The following MRPS6 variants were observed in gnomAD, a reference collection of about 807,000 sequenced individuals.
The protein encoded by MRPS6 is small ribosomal subunit protein bS6m.
A neutral mutation model predicts 13.1 loss-of-function variants in MRPS6; 6 were observed. The observed-to-expected ratio is 0.46, with a 90% confidence interval of 0.25 to 0.91. MRPS6 has a LOEUF of 0.91. Ranked by LOEUF, MRPS6 falls within the 40% of genes least tolerant of loss-of-function variation. The pLI, the probability that MRPS6 is intolerant of heterozygous loss-of-function variation, is 0.18. For synonymous variants in MRPS6, 61 were observed against 56.5 expected (o/e 1.08, Z -0.36); for missense variants, 164 against 155.6 (o/e 1.05, Z -0.29).
chr21:34,106,454 A>G (rs1405175980), intron 1 of MRPS6, among the ~76,000 whole-genome samples: 1 of 152,234 alleles, frequency 6.6e-6, no homozygotes, highest in African/African-American at 2.4e-5. Context: ...GACTGAGAAT[A>G]GGATTATGTG....
intron 1 of MRPS6, among the ~76,000 whole-genome samples, chr21:34,093,301 TAGAA>T (rs908150788): frequency 8.6e-5 from 13 of 151,930 alleles, no homozygotes; most frequent in African/African-American, 2.7e-4. Flanking sequence ...CGTTGACACT[TAGAA>T]AGGATTTAAA....
At chr21:34,077,568 C>T (rs1353540291) in intron 1 of MRPS6, among the ~76,000 whole-genome samples, 1 of 152,014 alleles carries the variant, frequency 6.6e-6, no homozygotes, top group Non-Finnish European at 1.5e-5. Flanking sequence ...AATAAGATAG[C>T]ATTTATATAT....
Position 34,099,239 on chromosome 21 carries a change from T to C in MRPS6, c.45+25494T>C, listed in dbSNP as rs943417091. ...TGAGGTTTATAATTTGGGGGCCAAA[T>C]AGATAGAGCTCATCATTTTCTTGTT... On this transcript the variant is annotated intron_variant, in intron 1 of 2. Transcript: ENST00000399312. The C allele has an allele frequency of 1.1e-5, 11 of 1,000,172 alleles. No individual in the cohort carries two copies. The African/African-American group carries it at 1.7e-4, about 16-fold the overall frequency. The allele number at this position is 1,000,172 out of a possible 1,614,324, so 62.0% of individuals were successfully genotyped here.
intron 1 of MRPS6, chr21:34,100,448 T>G (rs1602935557): frequency 1.0e-6 from 1 of 1,000,230 alleles, no homozygotes; most frequent in Non-Finnish European, 1.2e-6. Context: ...GTCTTTAGAT[T>G]AGAGAAGCAT....
At chr21:34,095,545 G>T in intron 1 of MRPS6, 2 of 1,613,730 alleles carry the variant, frequency 1.2e-6, no homozygotes, top group Non-Finnish European at 1.7e-6. Flanking sequence ...TTGTCCAAGC[G>T]ATTTGGTGGC....
intron 2 of MRPS6, chr21:34,135,760 A>G (rs908930221): frequency 1.3e-5 from 6 of 473,188 alleles, no homozygotes; most frequent in African/African-American, 1.0e-4. Flanking sequence ...GATGAAATGG[A>G]AGGCATACTT....
At chr21:34,105,708 T>C (rs1460214619) in intron 1 of MRPS6, 2 of 998,406 alleles carry the variant, frequency 2.0e-6, no homozygotes, top group Non-Finnish European at 2.4e-6. Context: ...TTTTGAATTG[T>C]AAATGGATTT....
chr21:34,135,483 A>G, intron 2 of MRPS6: 1 of 501,126 alleles, frequency 2.0e-6, no homozygotes. Flanking sequence ...TCTTGATGGC[A>G]AAGGAGTTGG....
intron 1 of MRPS6, chr21:34,098,259 C>G: frequency 1.0e-6 from 1 of 999,836 alleles, no homozygotes; most frequent in Non-Finnish European, 1.2e-6. Context: ...TAGCTTTATT[C>G]TTGTTATTTG....
intron 1 of MRPS6, among the ~76,000 whole-genome samples, chr21:34,119,936 T>C (rs891439448): frequency 6.6e-6 from 1 of 152,204 alleles, no homozygotes; most frequent in East Asian, 1.9e-4. Context: ...CTCTCATCTT[T>C]TACTACAGCA....
chr21:34,102,150 C>T (rs916256344), intron 1 of MRPS6: 7 of 999,914 alleles, frequency 7.0e-6, no homozygotes, highest in Non-Finnish European at 8.4e-6. Context: ...GTCAGACTGT[C>T]CTTTGTTGGA....
At chr21:34,085,628 T>C (rs911844916) in intron 1 of MRPS6, among the ~76,000 whole-genome samples, 2 of 143,388 alleles carry the variant, frequency 1.4e-5, no homozygotes, top group African/African-American at 5.3e-5. Context: ...TGAGACTGAG[T>C]CTCGCTCTTT....
Position 34,096,015 on chromosome 21 carries a change from G to A in MRPS6, c.45+22270G>A. ...CATTCTTGGGCAGACCCCAGCTTCA[G>A]TATGGTACTGGTGTGCTGACCAAGT... On this transcript the variant is annotated intron_variant, in intron 1 of 2. Coordinates refer to ENST00000399312, the MANE Select transcript of MRPS6 (RefSeq NM_032476.4). This position sits in a 1 kb window ranked among gnomAD's most constrained non-coding sequence, Gnocchi z 5.9. The A allele has an allele frequency of 6.2e-7, 1 of 1,614,140 alleles. No homozygotes were observed. The highest frequency in any genetic ancestry group is 8.5e-7 in the Non-Finnish European group (1 of 1,180,002).
At position 34,134,705 on chromosome 21, in the gene MRPS6, A is replaced by AT. The variant is rs1169081105; in HGVS notation, c.186-7696dup. Among the ~76,000 whole-genome samples the AT allele has an allele frequency of 2.0e-5, 3 of 151,526 alleles. No homozygotes were observed. In the East Asian group the frequency reaches 5.8e-4, roughly 29 times the overall value. On this transcript the variant is annotated intron_variant, in intron 2 of 2. Transcript: ENST00000399312. ...ACTGATCTTTTTTCTTTCACTGTCG[A>AT]TTTTTTTCGACTTTATGATGGTGCA...
At chr21:34,109,675 A>C (rs1979620729) in intron 1 of MRPS6, among the ~76,000 whole-genome samples, 1 of 151,836 alleles carries the variant, frequency 6.6e-6, no homozygotes, top group Non-Finnish European at 1.5e-5. Context: ...CTTCACCCCC[A>C]CTTCCCAGAG....
Position 34,073,641 on chromosome 21 carries a change from CG to C in MRPS6, c.-59del. 1 of 1,457,914 alleles carries C rather than the reference CG, an allele frequency of 6.9e-7. No individual in the cohort carries two copies. The allele number at this position is 1,457,914 out of a possible 1,614,324, so 90.3% of individuals were successfully genotyped here. On this transcript the variant is annotated 5_prime_UTR_variant, in exon 1 of 3. Coordinates refer to ENST00000399312, the MANE Select transcript of MRPS6 (RefSeq NM_032476.4). The stretch of plus-strand genomic sequence containing the variant: ...TAGGTCCCCACTGTCCCCGCCGTCC[CG>C]CCCCTTCGCGTCCCGGGAACCGGCT...
At chr21:34,109,605 T>C (rs1044905427) in intron 1 of MRPS6, among the ~76,000 whole-genome samples, 2 of 152,184 alleles carry the variant, frequency 1.3e-5, no homozygotes, top group Admixed American at 6.5e-5. Flanking sequence ...CCTTCAAATA[T>C]GCATCTCAGG....
intron 1 of MRPS6, chr21:34,100,434 C>T (rs565473656): frequency 7.0e-6 from 7 of 1,000,196 alleles, no homozygotes; most frequent in Non-Finnish European, 8.4e-6. Context: ...GGTAATTATG[C>T]TTTGTCTTTA....
intron 1 of MRPS6, among the ~76,000 whole-genome samples, chr21:34,082,195 T>C (rs576571403): frequency 7.9e-5 from 12 of 152,318 alleles, no homozygotes; most frequent in African/African-American, 2.6e-4. Flanking sequence ...GTAAATCTCT[T>C]AGCATTTATG....
Sources: allele counts gnomAD v4.1 joint callset (sites outside exome capture counted in the v4.1 genomes callset), GRCh38; gene constraint gnomAD v4.1.1; non-coding constraint Gnocchi (gnomAD v3.1); transcripts MANE v1.5; gene names NCBI Gene and HGNC (gene_info 2026-07-23, HGNC 2026-07-21).